Variants in IL7 observed in about 807,000 individuals in gnomAD.
The protein encoded by IL7 is interleukin 7, also known as interleukin-7.
Under a neutral mutation model 21.6 loss-of-function variants are expected in IL7, and 3 were observed. The ratio of observed to expected loss-of-function variants is 0.14; its 90% CI spans 0.06 to 0.36. The LOEUF is 0.36. Ranked by LOEUF, IL7 falls within the 10% of genes least tolerant of loss-of-function variation. The pLI is 1.00. For synonymous variants in IL7, 62 were observed against 68.1 expected, an observed-to-expected ratio of 0.91 and a Z score of 0.44; for missense variants, 175 against 200.2, an observed-to-expected ratio of 0.87 and a Z score of 0.76.
At chr8:78,780,639 T>A (rs1479179571) in intron 2 of IL7, among the ~76,000 whole-genome samples, 1 of 152,148 alleles carries the variant, frequency 6.6e-6, no homozygotes, top group African/African-American at 2.4e-5. Context: ...CTGAGGAGTG[T>A]TTTACATCCA....
rs1467319392 is a variant in IL7 at position 78,762,152 on chromosome 8, A to G, written c.148-22070T>C. 2.5e-6 allele frequency: 4 copies of G among 1,596,696 alleles called. No individual in the cohort carries two copies. The Admixed American group carries it at 5.0e-5, about 20-fold the overall frequency. On this transcript the variant is annotated intron_variant, in intron 2 of 5. Transcript: ENST00000263851. ...TCTGTGTCTACTATGTGGGTTGTTC[A>G]AATGACTGTTAAGATCAAATATTGT...
intron 4 of IL7, among the ~76,000 whole-genome samples, chr8:78,680,436 C>T (rs762563091): frequency 6.6e-6 from 1 of 152,092 alleles, no homozygotes; most frequent in Non-Finnish European, 1.5e-5. Context: ...GAATCTCAGC[C>T]TCCTCCCAAA....
intron 2 of IL7, among the ~76,000 whole-genome samples, chr8:78,748,501 T>C (rs1403541619): frequency 6.6e-6 from 1 of 152,190 alleles, no homozygotes; most frequent in African/African-American, 2.4e-5. Context: ...AGTCAGATGC[T>C]CCTTAACTTA....
chr8:78,779,246 T>A (rs1027007203), intron 2 of IL7, among the ~76,000 whole-genome samples: 6 of 152,234 alleles, frequency 3.9e-5, no homozygotes, highest in African/African-American at 1.4e-4. Flanking sequence ...TTTGCCTGAT[T>A]GCCCTGGCCA....
intron 2 of IL7, among the ~76,000 whole-genome samples, chr8:78,744,135 C>T (rs1304200135): frequency 6.6e-6 from 1 of 152,006 alleles, no homozygotes; most frequent in African/African-American, 2.4e-5. Flanking sequence ...TGGGGTAACG[C>T]TTCACCGCCT....
chr8:78,725,521 G>T (rs1434582723), intron 3 of IL7, among the ~76,000 whole-genome samples: 1 of 151,876 alleles, frequency 6.6e-6, no homozygotes, highest in Non-Finnish European at 1.5e-5. Flanking sequence ...ATTATTATTT[G>T]CTTAAACTGA....
chr8:78,707,570 A>G (rs1440270287), intron 3 of IL7, among the ~76,000 whole-genome samples: 1 of 152,224 alleles, frequency 6.6e-6, no homozygotes, highest in African/African-American at 2.4e-5. Flanking sequence ...TGAGTACAAT[A>G]ATTTTGTCAG....
chr8:78,766,114 T>A (rs1812745997), intron 2 of IL7, among the ~76,000 whole-genome samples: 1 of 152,080 alleles, frequency 6.6e-6, no homozygotes, highest in African/African-American at 2.4e-5. Context: ...TATGTAACAT[T>A]CTGGAAAAGG....
chr8:78,713,899 A>G (rs1325007407), downstream of IL7, among the ~76,000 whole-genome samples: 1 of 152,204 alleles, frequency 6.6e-6, no homozygotes, highest in African/African-American at 2.4e-5. Context: ...AGGCATGTGT[A>G]GTATCTGGCT....
intron 2 of IL7, among the ~76,000 whole-genome samples, chr8:78,770,696 C>T (rs1286247529): frequency 2.6e-5 from 4 of 152,046 alleles, no homozygotes; most frequent in Non-Finnish European, 5.9e-5. Flanking sequence ...CGCACACACA[C>T]ACACATACAC....
intron 3 of IL7, among the ~76,000 whole-genome samples, chr8:78,703,293 T>A (rs1343529618): frequency 6.6e-6 from 1 of 152,216 alleles, no homozygotes; most frequent in Admixed American, 6.5e-5. Flanking sequence ...CAGGTCCATT[T>A]GATCCAGTGC....
chr8:78,760,427 T>C, intron 2 of IL7: 1 of 1,593,526 alleles, frequency 6.3e-7, no homozygotes. Context: ...GTCAGGCAGT[T>C]GGAGGGCTTC....
chr8:78,684,045 C>T (rs1221603293), intron 4 of IL7, among the ~76,000 whole-genome samples: 1 of 152,162 alleles, frequency 6.6e-6, no homozygotes, highest in Non-Finnish European at 1.5e-5. Context: ...CAACAAGTTT[C>T]TAGGAAGTTC....
intron 1 of IL7, among the ~76,000 whole-genome samples, chr8:78,798,721 A>T (rs983240087): frequency 6.6e-6 from 1 of 151,912 alleles, no homozygotes; most frequent in African/African-American, 2.4e-5. Context: ...CTGTAAGTGC[A>T]CTCTTTCTTT....
chr8:78,769,232 G>A (rs1812868063), intron 2 of IL7, among the ~76,000 whole-genome samples: 1 of 151,956 alleles, frequency 6.6e-6, no homozygotes, highest in Non-Finnish European at 1.5e-5. Flanking sequence ...TAGGAAAAGA[G>A]GAAGTCAAAT....
At chr8:78,690,418 G>A (rs1810170256) in intron 3 of IL7, among the ~76,000 whole-genome samples, 1 of 152,070 alleles carries the variant, frequency 6.6e-6, no homozygotes, top group African/African-American at 2.4e-5. Context: ...AAATTAGCTG[G>A]ACGTGGTGGC....
At chr8:78,735,293 G>GGTTTTTTTTTTTTTTTTTTTTTTTTTGT (rs1811547063) in intron 5 of IL7, among the ~76,000 whole-genome samples, 1 of 69,574 alleles carries the variant, frequency 1.4e-5, no homozygotes, top group Non-Finnish European at 2.7e-5. Flanking sequence ...TTTTTTTTTT[G>GGTTTTTTTTTTTTTTTTTTTTTTTTTGT]TTTTTTTTTT....
downstream of IL7, among the ~76,000 whole-genome samples, chr8:78,713,960 C>G (rs577752718): frequency 6.6e-6 from 1 of 152,206 alleles, no homozygotes; most frequent in South Asian, 2.1e-4. Context: ...GTTGTTATTA[C>G]CTGCATGTAC....
chr8:78,747,447 G>A (rs1310944994), intron 2 of IL7, among the ~76,000 whole-genome samples: 3 of 152,024 alleles, frequency 2.0e-5, no homozygotes, highest in African/African-American at 7.2e-5. Flanking sequence ...TTTCATTTCT[G>A]ATCATCACTA....
Sources: gnomAD v4.1 joint callset for allele counts (sites outside exome capture counted in the v4.1 genomes callset) on GRCh38, gnomAD v4.1.1 for gene constraint, MANE v1.5 for transcripts, NCBI Gene and HGNC (gene_info 2026-07-23, HGNC 2026-07-21) for gene names.